Variants in NKAIN3 observed in about 807,000 individuals in gnomAD.
NKAIN3 encodes sodium/potassium transporting ATPase interacting 3.
A neutral mutation model predicts 30.2 loss-of-function variants in NKAIN3; 25 were observed. That is an observed-to-expected ratio of 0.83 (90% confidence interval 0.60 to 1.16). The LOEUF is 1.16. Ranked by LOEUF, NKAIN3 falls within the 50% of genes most tolerant of loss-of-function variation. The pLI, the probability that NKAIN3 is intolerant of heterozygous loss-of-function variation, is 0.00. For missense variants in NKAIN3, 225 were observed against 254.1 expected (o/e 0.89, Z 0.78); for synonymous variants, 91 against 89.6 (o/e 1.02, Z -0.09).
chr8:62,760,057 A>C (rs1221098434), intron 4 of NKAIN3, among the ~76,000 whole-genome samples: 1 of 152,228 alleles, frequency 6.6e-6, no homozygotes, highest in Non-Finnish European at 1.5e-5. Flanking sequence ...AGAGAAATGC[A>C]AATCAAAACC....
intron 1 of NKAIN3, among the ~76,000 whole-genome samples, chr8:62,489,099 C>T (rs902002610): frequency 6.6e-6 from 1 of 152,134 alleles, no homozygotes; most frequent in South Asian, 2.1e-4. Context: ...TCACTGCAAG[C>T]CCTGCCTCCT....
At chr8:62,470,773 A>G (rs1219769080) in intron 1 of NKAIN3, among the ~76,000 whole-genome samples, 1 of 152,002 alleles carries the variant, frequency 6.6e-6, no homozygotes, top group Non-Finnish European at 1.5e-5. Context: ...CAGAAAGCCT[A>G]CTCTCTCACA....
At chr8:62,718,728 A>G (rs1814986180) in intron 3 of NKAIN3, among the ~76,000 whole-genome samples, 1 of 151,922 alleles carries the variant, frequency 6.6e-6, no homozygotes. Flanking sequence ...TCTTTGCTAT[A>G]TTCCTTTACT....
chr8:62,407,689 C>T (rs1804117705), intron 1 of NKAIN3, among the ~76,000 whole-genome samples: 1 of 152,166 alleles, frequency 6.6e-6, no homozygotes, highest in South Asian at 2.1e-4. Flanking sequence ...CCTCAGCCTC[C>T]CAAAGTGCTG....
At position 62,344,239 on chromosome 8, in the gene NKAIN3, C is replaced by A. The variant is rs143558431; in HGVS notation, c.54+95112C>A. 4.2e-3 allele frequency among the ~76,000 whole-genome samples: 643 copies of A among 152,036 alleles called. 4 individuals carry two copies. Among genetic ancestry groups the A allele is most frequent in the African/African-American group, 0.015 (621 of 41,494 alleles). The stretch of plus-strand genomic sequence containing the variant: ...TAAAAGAACATTAAATGTCAGGTAG[C>A]CCAACCTCTATGACTTCTATTTAGA... On this transcript the variant is annotated intron_variant, in intron 1 of 6. Coordinates refer to ENST00000623646, the MANE Select transcript of NKAIN3 (RefSeq NM_001304533.3).
At chr8:62,457,412 A>G (rs1485752806) in intron 1 of NKAIN3, among the ~76,000 whole-genome samples, 1 of 152,180 alleles carries the variant, frequency 6.6e-6, no homozygotes, top group African/African-American at 2.4e-5. Context: ...GTGTTCACAG[A>G]GAGATGAGAT....
chr8:62,606,800 A>G (rs1811145315), intron 3 of NKAIN3, among the ~76,000 whole-genome samples: 2 of 152,170 alleles, frequency 1.3e-5, no homozygotes, highest in South Asian at 2.1e-4. Flanking sequence ...CATTTTAAGT[A>G]TTAGTTTGAG....
chr8:62,925,108 C>T (rs1436606833), intron 5 of NKAIN3, among the ~76,000 whole-genome samples: 2 of 152,176 alleles, frequency 1.3e-5, no homozygotes, highest in Non-Finnish European at 2.9e-5. Flanking sequence ...ACCCTCTTCT[C>T]CATGCCGCAG....
At chr8:62,853,132 G>A (rs192345638) in intron 4 of NKAIN3, among the ~76,000 whole-genome samples, 1 of 152,138 alleles carries the variant, frequency 6.6e-6, no homozygotes, top group Non-Finnish European at 1.5e-5. Flanking sequence ...ATGAATCTGG[G>A]TGCTCCTGTA....
At chr8:62,840,438 A>C (rs1010200003) in intron 4 of NKAIN3, among the ~76,000 whole-genome samples, 1 of 144,390 alleles carries the variant, frequency 6.9e-6, no homozygotes. Flanking sequence ...AAAAAAAAAA[A>C]CAATCAGAGA....
At chr8:62,346,140 T>A (rs1026390033) in intron 1 of NKAIN3, among the ~76,000 whole-genome samples, 4 of 152,076 alleles carry the variant, frequency 2.6e-5, no homozygotes, top group Admixed American at 2.6e-4. Context: ...AGGAAGAATA[T>A]GTTCAGGTGT....
intron 1 of NKAIN3, among the ~76,000 whole-genome samples, chr8:62,341,076 G>GC (rs1254794983): frequency 2.0e-5 from 3 of 152,028 alleles, no homozygotes; most frequent in Non-Finnish European, 4.4e-5. Context: ...CTCAGCTACA[G>GC]CAAGTGTTTT....
At chr8:62,527,169 TGA>T (rs1808330032) in intron 1 of NKAIN3, among the ~76,000 whole-genome samples, 1 of 152,176 alleles carries the variant, frequency 6.6e-6, no homozygotes, top group South Asian at 2.1e-4. Context: ...CATCCTCAGC[TGA>T]GATGTACACC....
intron 1 of NKAIN3, among the ~76,000 whole-genome samples, chr8:62,466,140 G>A (rs1806154552): frequency 6.6e-6 from 1 of 152,036 alleles, no homozygotes; most frequent in Non-Finnish European, 1.5e-5. Context: ...TAAACAAATT[G>A]GAAGAGAACC....
chr8:62,955,862 A>G (rs1187788102), intron 6 of NKAIN3, among the ~76,000 whole-genome samples: 1 of 152,178 alleles, frequency 6.6e-6, no homozygotes, highest in East Asian at 1.9e-4. Context: ...TTTTCTCAGC[A>G]CCCCTGTTCA....
chr8:62,755,263 TCTC>T (rs1327709536), intron 4 of NKAIN3, among the ~76,000 whole-genome samples: 4 of 152,168 alleles, frequency 2.6e-5, no homozygotes, highest in Non-Finnish European at 5.9e-5. Flanking sequence ...AAAGAGGACT[TCTC>T]CTTGCAACAC....
chr8:62,942,565 C>T (rs1822998626), intron 5 of NKAIN3, among the ~76,000 whole-genome samples: 1 of 149,436 alleles, frequency 6.7e-6, no homozygotes, highest in South Asian at 2.1e-4. Flanking sequence ...AAAGAGCCCA[C>T]ATAGCCAAGT....
At chr8:62,530,534 T>A (rs1808455497) in intron 1 of NKAIN3, among the ~76,000 whole-genome samples, 1 of 152,058 alleles carries the variant, frequency 6.6e-6, no homozygotes, top group Non-Finnish European at 1.5e-5. Context: ...GCAAATAAAT[T>A]CCCCTAAGAG....
At chr8:62,776,771 T>C (rs1056275011) in intron 4 of NKAIN3, among the ~76,000 whole-genome samples, 3 of 152,256 alleles carry the variant, frequency 2.0e-5, no homozygotes, top group East Asian at 3.9e-4. Context: ...ATGTTCTGTG[T>C]TTTTCTGTGT....
Sources: allele counts gnomAD v4.1 joint callset (sites outside exome capture counted in the v4.1 genomes callset), GRCh38; gene constraint gnomAD v4.1.1; transcripts MANE v1.5; gene names NCBI Gene and HGNC (gene_info 2026-07-23, HGNC 2026-07-21).